Variants in TENM1 observed in about 807,000 individuals in gnomAD.
The protein encoded by TENM1 is teneurin transmembrane protein 1.
TENM1 carries 35 observed loss-of-function variants against 174.8 expected under a neutral mutation model. That is an observed-to-expected ratio of 0.20 (90% CI 0.15 to 0.27). The LOEUF (loss-of-function observed/expected upper bound fraction) is 0.27. Ranked by LOEUF, TENM1 falls within the 10% of genes least tolerant of loss-of-function variation. TENM1 has a pLI of 1.00. For missense variants in TENM1, 1,633 were observed against 2,130.1 expected (o/e 0.77, Z 4.59); for synonymous variants, 781 against 798.7 (o/e 0.98, Z 0.37).
chrX:124,878,814 A>G (rs2057253389), intron 3 of TENM1, among the ~76,000 whole-genome samples: 1 of 111,683 alleles, frequency 9.0e-6, no homozygotes, highest in African/African-American at 3.3e-5. Flanking sequence ...ACAAGTTGTC[A>G]TCCCCTCATG....
chrX:124,748,835 A>G (rs749379297), intron 3 of TENM1, among the ~76,000 whole-genome samples: 158 of 112,319 alleles, frequency 1.4e-3, no homozygotes, highest in African/African-American at 5.0e-3. Flanking sequence ...TCTGTAAAAT[A>G]AGGATAGTAA....
chrX:124,680,648 C>T (rs1421798612), intron 5 of TENM1, among the ~76,000 whole-genome samples: 1 of 111,414 alleles, frequency 9.0e-6, no homozygotes, highest in Non-Finnish European at 1.9e-5. Flanking sequence ...GAAGAATAAG[C>T]AGCATAATGA....
At chrX:124,834,583 C>A (rs2056356245) in intron 3 of TENM1, among the ~76,000 whole-genome samples, 1 of 111,843 alleles carries the variant, frequency 8.9e-6, no homozygotes, top group Non-Finnish European at 1.9e-5. Flanking sequence ...ATATTCAGGG[C>A]AACTTGGATC....
chrX:124,406,365 T>C (rs908709791), exon 26 of TENM1: 3 of 1,210,348 alleles, frequency 2.5e-6, no homozygotes, highest in Non-Finnish European at 2.2e-6. Flanking sequence ...TTGGTTGACA[T>C]GAGGACATTT....
intron 18 of TENM1, among the ~76,000 whole-genome samples, chrX:124,512,833 A>C (rs1172305383): frequency 9.0e-5 from 10 of 111,663 alleles, no homozygotes; most frequent in African/African-American, 3.3e-4. Context: ...CAACTATCAA[A>C]CTAATTTAGA....
chrX:124,600,461 T>A (rs1483546563), intron 11 of TENM1, among the ~76,000 whole-genome samples: 1 of 111,833 alleles, frequency 8.9e-6, no homozygotes, highest in African/African-American at 3.2e-5. Flanking sequence ...GAAAGTTTGA[T>A]GAGCAATACA....
intron 5 of TENM1, among the ~76,000 whole-genome samples, chrX:124,692,056 T>C (rs997404265): frequency 1.8e-5 from 2 of 112,358 alleles, no homozygotes; most frequent in Admixed American, 9.5e-5. Flanking sequence ...ATGTTTGTAT[T>C]GTTTCTAACT....
intron 1 of TENM1, among the ~76,000 whole-genome samples, chrX:124,901,792 T>C (rs2057668442): frequency 8.9e-6 from 1 of 111,857 alleles, no homozygotes; most frequent in African/African-American, 3.2e-5. Flanking sequence ...TCTAAAATTC[T>C]ACCTCCCCAT....
intron 25 of TENM1, among the ~76,000 whole-genome samples, chrX:124,411,650 C>T: frequency 9.0e-6 from 1 of 111,537 alleles, no homozygotes; most frequent in African/African-American, 3.3e-5. Context: ...TGGATCAAAA[C>T]ATACAGATCC....
intron 20 of TENM1, among the ~76,000 whole-genome samples, chrX:124,494,859 T>G (rs1194354093): frequency 9.7e-6 from 1 of 103,595 alleles, no homozygotes; most frequent in African/African-American, 3.5e-5. Context: ...TTTTTATGGC[T>G]GCATAGTATT....
At chrX:124,448,626 C>T (rs1238199659) in intron 23 of TENM1, among the ~76,000 whole-genome samples, 1 of 112,054 alleles carries the variant, frequency 8.9e-6, no homozygotes, top group Non-Finnish European at 1.9e-5. Context: ...TCATCTCTCA[C>T]TACTCTTTCA....
rs113968673 is a variant in TENM1 at position 124,933,604 on chromosome X, G to C, written c.217+29933C>G. ...ATTTGTTAAAATTTCGACAGGCTTT[G>C]TTAGAAATTTACTATTAGTGAAAAA... On this transcript the variant is annotated intron_variant, in intron 1 of 31. Transcript: ENST00000422452. 4.9e-3 allele frequency among the ~76,000 whole-genome samples: 555 copies of C among 112,237 alleles called. 7 individuals are homozygous for C. Among genetic ancestry groups the C allele is most frequent in the African/African-American group, 0.016 (493 of 30,974 alleles).
chrX:124,837,014 A>G (rs771306341), intron 3 of TENM1, among the ~76,000 whole-genome samples: 1 of 112,222 alleles, frequency 8.9e-6, no homozygotes, highest in South Asian at 3.7e-4. Context: ...ATCTGCTTCA[A>G]GCTGGTATAA....
At chrX:124,560,925 C>T (rs780000411) in intron 14 of TENM1, among the ~76,000 whole-genome samples, 13 of 111,624 alleles carry the variant, frequency 1.2e-4, no homozygotes, top group African/African-American at 2.9e-4. Flanking sequence ...GTTTTGATGT[C>T]TGATCATACA....
Position 124,584,702 on chromosome X carries a change from A to C in TENM1, c.2078-19142T>G, listed in dbSNP as rs1296303661. 3.6e-4 allele frequency among the ~76,000 whole-genome samples: 40 copies of C among 111,420 alleles called. 1 individual carries two copies. Among genetic ancestry groups the C allele is most frequent in the African/African-American group, 1.3e-3 (39 of 30,342 alleles). ...ACATAACAATATTAACCTTAAATGT[A>C]AATGGGCTAAATGCTCCAATTAAAA... On this transcript the variant is annotated intron_variant, in intron 11 of 31. Coordinates refer to ENST00000422452, the Ensembl canonical transcript of TENM1.
At chrX:124,471,352 TATA>T (rs1212686175) in intron 22 of TENM1, among the ~76,000 whole-genome samples, 523 of 11,432 alleles carry the variant, frequency 0.046, 39 homozygotes, top group Non-Finnish European at 0.069. Flanking sequence ...TAATATATAT[TATA>T]ATATATAGTA....
intron 30 of TENM1, among the ~76,000 whole-genome samples, 167 bp from the exon 34 acceptor site, chrX:124,382,979 A>G (rs11260475): frequency 0.38 from 23,178 of 60,621 alleles, 2,834 homozygotes; most frequent in African/African-American, 0.6. Flanking sequence ...TTTATTTGAC[A>G]TAGTCTCACT....
In TENM1 at chrX:124,481,618, G is replaced by C. The variant is rs1053849195; in HGVS notation, c.3949+114C>G. 8 of 229,710 alleles carry C rather than the reference G, an allele frequency of 3.5e-5. No individual in the cohort carries two copies. In the Admixed American group the frequency reaches 4.9e-4, roughly 14 times the overall value. The allele number at this position is 229,710 out of a possible 1,213,427, so 18.9% of individuals were successfully genotyped here. A position where few individuals can be genotyped will look rare whatever the true frequency, so the allele number is the denominator to read the frequency against. ...TTGGCTCTCAGAGGCAAAATATTGA[G>C]ATTAGTGGATGGGCTAAAGTGTGGC... is the stretch of plus-strand genomic sequence containing the variant. On this transcript the variant is annotated intron_variant, in intron 22 of 31. Coordinates refer to ENST00000422452, the Ensembl canonical transcript of TENM1.
intron 3 of TENM1, among the ~76,000 whole-genome samples, chrX:124,838,058 G>A (rs1217938119): frequency 8.9e-6 from 1 of 112,556 alleles, no homozygotes; most frequent in Non-Finnish European, 1.9e-5. Flanking sequence ...TCAGACTTGT[G>A]AGAAGAGCAG....
Sources: allele counts gnomAD v4.1 joint callset (sites outside exome capture counted in the v4.1 genomes callset), GRCh38; gene constraint gnomAD v4.1.1; transcripts MANE v1.5; gene names NCBI Gene and HGNC (gene_info 2026-07-23, HGNC 2026-07-21).